The following EVL variants were observed in gnomAD, a reference collection of about 807,000 sequenced individuals.
The protein encoded by EVL is Enah/Vasp-like, also known as ena/VASP-like protein.
In EVL, 21 loss-of-function variants were observed where a neutral mutation model predicts 59.6. The observed-to-expected ratio is 0.35, with a 90% confidence interval of 0.25 to 0.51. The LOEUF (loss-of-function observed/expected upper bound fraction) is 0.51. EVL is among the 20% of genes least tolerant of loss of function. EVL has a pLI of 0.97. For synonymous variants in EVL, 198 were observed against 203.5 expected, an observed-to-expected ratio of 0.97 and a Z score of 0.23; for missense variants, 462 against 546.6, an observed-to-expected ratio of 0.85 and a Z score of 1.54.
rs148150526 is a variant in EVL, at chr14:100,026,462, G to GT, written c.5+54406dup. Reference sequence around the variant, plus strand: ...AAATGCCATCCTATAAATTGACCCTGTGTCTTAACCATCAGCCCAACCTTT... The same window carrying GT: ...AAATGCCATCCTATAAATTGACCCTGTTGTCTTAACCATCAGCCCAACCTTT... On this transcript the variant is annotated intron_variant, in intron 1 of 13. Transcript: ENST00000402714. Among the ~76,000 whole-genome samples the GT allele has an allele frequency of 3.6e-3, 545 of 151,724 alleles. 11 individuals are homozygous for GT. The highest frequency in any genetic ancestry group is 0.036 in the East Asian group (180 of 5,044).
intron 1 of EVL, among the ~76,000 whole-genome samples, chr14:99,995,435 T>C (rs983852213): frequency 7.9e-5 from 12 of 152,218 alleles, no homozygotes; most frequent in Non-Finnish European, 1.3e-4. Context: ...AGTTAATTTT[T>C]CAATTGGCTC....
intron 3 of EVL, 50 bp downstream of exon 3, chr14:100,097,708 C>T: frequency 6.6e-7 from 1 of 1,524,896 alleles, no homozygotes; most frequent in Non-Finnish European, 8.9e-7. Flanking sequence ...TCTTGTTCTA[C>T]CTCTGCCCTC....
In EVL at chr14:100,127,423, C is replaced by T. The variant is rs1328633648; in HGVS notation, c.487+652C>T. Among the ~76,000 whole-genome samples the T allele has an allele frequency of 1.3e-5, 2 of 152,160 alleles. No homozygotes were observed. Among genetic ancestry groups the T allele is most frequent in the African/African-American group, 2.4e-5 (1 of 41,442 alleles). On this transcript the variant is annotated intron_variant, in intron 5 of 13. Transcript: ENST00000392920. This position sits in a 1 kb window ranked among gnomAD's most constrained non-coding sequence, Gnocchi z 4.2. ...TTATCCTGTTGACTGATGAGAAACC[C>T]GAGCCCCCACTGGTTACAGGAACGC...
upstream of EVL, among the ~76,000 whole-genome samples, chr14:100,063,276 CTG>C (rs939203874): frequency 5.3e-5 from 8 of 152,128 alleles, no homozygotes; most frequent in African/African-American, 1.7e-4. Context: ...AGAGATGTCA[CTG>C]TGGAAGAAGG....
chr14:100,006,887 C>T (rs1194283168), intron 1 of EVL, among the ~76,000 whole-genome samples: 2 of 151,450 alleles, frequency 1.3e-5, no homozygotes, highest in Non-Finnish European at 2.9e-5. Context: ...CAGAGATTCT[C>T]TGGAGGGGTG....
At chr14:99,997,238 A>C (rs1366226848) in intron 1 of EVL, among the ~76,000 whole-genome samples, 1 of 152,230 alleles carries the variant, frequency 6.6e-6, no homozygotes, top group Non-Finnish European at 1.5e-5. Flanking sequence ...GCTAATGTAA[A>C]TGCCCAGCTT....
chr14:100,132,446 C>T (rs1198933689), intron 7 of EVL, among the ~76,000 whole-genome samples: 1 of 152,090 alleles, frequency 6.6e-6, no homozygotes, highest in Non-Finnish European at 1.5e-5. Flanking sequence ...CAGCTGCTGC[C>T]AGTAGAGCTA....
chr14:100,072,447 C>T (rs2062068351), intron 1 of EVL, among the ~76,000 whole-genome samples: 1 of 152,198 alleles, frequency 6.6e-6, no homozygotes, highest in East Asian at 1.9e-4. Context: ...GTTGGCCAGG[C>T]TGATCTCGAA....
intron 1 of EVL, among the ~76,000 whole-genome samples, chr14:100,005,518 A>G (rs1274577668): frequency 2.0e-5 from 3 of 152,026 alleles, no homozygotes; most frequent in African/African-American, 7.3e-5. Flanking sequence ...GAAAGGAGAG[A>G]CAGCAGAAGT....
chr14:100,123,645 C>G, intron 4 of EVL, 43 bp downstream of exon 4: 6 of 1,608,222 alleles, frequency 3.7e-6, no homozygotes, highest in South Asian at 1.1e-5. Flanking sequence ...ATCTCCCAAT[C>G]AGGCTGGGTG....
At chr14:100,129,260 T>A (rs1371337892) in intron 6 of EVL, among the ~76,000 whole-genome samples, 1 of 152,140 alleles carries the variant, frequency 6.6e-6, no homozygotes, top group Non-Finnish European at 1.5e-5. Context: ...GATAGTCTCT[T>A]CTCCCCTCCC....
chr14:99,983,042 C>G (rs2060817998), intron 1 of EVL, among the ~76,000 whole-genome samples: 1 of 152,160 alleles, frequency 6.6e-6, no homozygotes, highest in South Asian at 2.1e-4. Context: ...CTGCCCTACT[C>G]CACCCCACCC....
At chr14:100,105,553 G>A (rs1886510641) in intron 3 of EVL, among the ~76,000 whole-genome samples, 1 of 151,530 alleles carries the variant, frequency 6.6e-6, no homozygotes, top group Non-Finnish European at 1.5e-5. Flanking sequence ...CATCTGCTTG[G>A]TAAGAGGTCA....
intron 2 of EVL, among the ~76,000 whole-genome samples, chr14:100,088,037 G>C (rs539023602): frequency 9.9e-5 from 15 of 152,224 alleles, no homozygotes; most frequent in Non-Finnish European, 1.8e-4. Flanking sequence ...GTGGACCCCG[G>C]AGAACAGACC....
intron 1 of EVL, among the ~76,000 whole-genome samples, chr14:100,048,350 C>T (rs2061589110): frequency 6.6e-6 from 1 of 152,060 alleles, no homozygotes; most frequent in East Asian, 1.9e-4. Context: ...AGACACTTCA[C>T]CAAAGAGGAT....
chr14:100,071,230 T>C (rs1220244520), intron 1 of EVL, among the ~76,000 whole-genome samples: 3 of 152,258 alleles, frequency 2.0e-5, no homozygotes, highest in African/African-American at 7.2e-5. Context: ...AGCCTTTCTT[T>C]AATTCTAACA....
intron 1 of EVL, among the ~76,000 whole-genome samples, chr14:100,016,002 C>T (rs1307222288): frequency 6.6e-6 from 1 of 151,342 alleles, no homozygotes; most frequent in Admixed American, 6.6e-5. Flanking sequence ...TCACATGAAC[C>T]TGGGAGGCAG....
intron 1 of EVL, among the ~76,000 whole-genome samples, chr14:100,036,670 TG>T (rs2140226585): frequency 6.6e-6 from 1 of 152,202 alleles, no homozygotes; most frequent in East Asian, 1.9e-4. Context: ...CAGACTAAAA[TG>T]TGTATCATTT....
intron 1 of EVL, among the ~76,000 whole-genome samples, chr14:99,981,313 T>C (rs1268092781): frequency 6.6e-6 from 1 of 152,042 alleles, no homozygotes; most frequent in African/African-American, 2.4e-5. Context: ...GCGCCTGTAA[T>C]CCCATCTACT....
Sources: allele counts gnomAD v4.1 joint callset (sites outside exome capture counted in the v4.1 genomes callset), GRCh38; gene constraint gnomAD v4.1.1; non-coding constraint Gnocchi (gnomAD v3.1); transcripts MANE v1.5; gene names NCBI Gene and HGNC (gene_info 2026-07-23, HGNC 2026-07-21).